KDM6B: variants seen among roughly 807,000 people sequenced by gnomAD.
KDM6B encodes lysine-specific demethylase 6B.
KDM6B carries 22 observed loss-of-function variants against 150.4 expected under a neutral mutation model. That is an observed-to-expected ratio of 0.15 (90% confidence interval 0.10 to 0.21). KDM6B has a LOEUF of 0.21. Ranked by LOEUF, KDM6B falls within the 10% of genes least tolerant of loss-of-function variation. The probability of loss-of-function intolerance (pLI) is 1.00; values close to 1 mark genes in which losing one functional copy is unlikely to be tolerated. For missense variants in KDM6B, 1,984 were observed against 2,234.3 expected (o/e 0.89, Z 2.26); for synonymous variants, 1,148 against 921.1 (o/e 1.25, Z -4.46).
chr17:7,849,186 G>T lies in KDM6B; in HGVS notation c.2898G>T (p.Ala966=). 2 of 1,605,984 alleles carry T rather than the reference G, an allele frequency of 1.2e-6. No homozygotes were observed. The highest frequency in any genetic ancestry group is 1.7e-6 in the Non-Finnish European group (2 of 1,176,606). Residue 966 remains alanine, a synonymous_variant, in exon 12 of 24, where the codon GCG becomes GCT. Transcript: ENST00000448097. ...CCAAGGAGGAGGCTGGCGGGGTGGC[G>T]GCAGTGTCAGGCAGCTGTAAGCGGC... ...AQAKEEAGGV[A]AVSGSCKRRQ... is the part of the protein sequence containing the mutation.
At chr17:7,851,438 C>G in intron 16 of KDM6B, 40 bp from the exon 17 acceptor site, 2 of 1,614,176 alleles carry the variant, frequency 1.2e-6, no homozygotes, top group Non-Finnish European at 1.7e-6. Context: ...TCCTTCCCCT[C>G]CCTCTGCTCT....
chr17:7,846,377 G>GGTCCCCCCCCCCCCC (rs2078537418), intron 7 of KDM6B, 23 bp from the exon 8 acceptor site: 1 of 1,479,504 alleles, frequency 6.8e-7, no homozygotes, highest in Non-Finnish European at 9.1e-7. Context: ...ATCTGCCCCT[G>GGTCCCCCCCCCCCCC]CCCCGTGTCC....
intron 2 of KDM6B, among the ~76,000 whole-genome samples, chr17:7,842,394 G>A (rs1007232832): frequency 3.3e-5 from 5 of 152,206 alleles, no homozygotes; most frequent in Non-Finnish European, 7.4e-5. Flanking sequence ...GGAGAGGCTG[G>A]AATGTCTGCC....
rs1401896928 is a variant in KDM6B at position 7,849,330 on chromosome 17, C to T, written c.3042C>T (p.Ser1014=). 1 of 1,571,926 alleles carries T rather than the reference C, an allele frequency of 6.4e-7. No homozygotes were observed. Residue 1014 remains serine, a synonymous_variant, in exon 12 of 24, where the codon AGC becomes AGT. Transcript: ENST00000448097. ...KAKAKVPKEK[S]RRVLGNLDLQ... is the part of the protein sequence containing the mutation. Reference sequence around the variant, plus strand: ...AGGCCAAGGTCCCCAAAGAAAAGAGCCGCCGGGTGCTGGGGAACCTGGACC... The same window carrying T: ...AGGCCAAGGTCCCCAAAGAAAAGAGTCGCCGGGTGCTGGGGAACCTGGACC...
At chr17:7,837,639 C>G (rs1375242979) in intron 1 of KDM6B, among the ~76,000 whole-genome samples, 1 of 152,194 alleles carries the variant, frequency 6.6e-6, no homozygotes, top group Non-Finnish European at 1.5e-5. Context: ...CAGAACCTCT[C>G]TGAGCCTCGT....
At chr17:7,851,907 G>A (rs1316733168) in intron 18 of KDM6B, 44 bp from the exon 19 acceptor site, 2 of 1,607,616 alleles carry the variant, frequency 1.2e-6, no homozygotes, top group Non-Finnish European at 1.7e-6. Context: ...GGGGATCGCA[G>A]TTCCGACCTG....
chr17:7,854,408 A>G lies in KDM6B; in HGVS notation c.*887A>G, dbSNP rs2078769650. 1.7e-5 allele frequency: 1 copy of G among 59,876 alleles called. No homozygotes were observed. The highest frequency in any genetic ancestry group is 3.7e-5 in the African/African-American group (1 of 26,904). 3.7% of individuals were successfully genotyped at this position (59,876 alleles called of 1,614,324 possible). ...AGTGGGAACTGAAATGGTATTTTGT[A>G]AAAAAAATAAATAAAATAAAAAAAT... On this transcript the variant is annotated 3_prime_UTR_variant, in exon 24 of 24. Transcript: ENST00000448097.
chr17:7,849,153 C>T lies in KDM6B; in HGVS notation c.2865C>T (p.Pro955=), dbSNP rs149972132. The T allele has an allele frequency of 1.5e-4, 243 of 1,611,562 alleles. 1 individual carries two copies. Among genetic ancestry groups the T allele is most frequent in the African/African-American group, 1.0e-3 (76 of 75,034 alleles). ...GTGGGACTGAGCGACTGCTGCCCCC[C>T]GCACAGGCCAAGGAGGAGGCTGGCG... ...ADSGTERLLP[P]AQAKEEAGGV... is the part of the protein sequence containing the mutation. Residue 955 remains proline, a synonymous_variant, in exon 12 of 24, where the codon CCC becomes CCT. Transcript: ENST00000448097.
At position 7,853,630 on chromosome 17, in the gene KDM6B, C is replaced by T; in HGVS notation, c.*109C>T. On this transcript the variant is annotated 3_prime_UTR_variant, in exon 24 of 24. Coordinates refer to ENST00000448097, the MANE Select transcript of KDM6B (RefSeq NM_001348716.2). ...CTGTGGCCGAGAAGGGGGTCGGGCC[C>T]AGCCCTTCCACCCCATTGGCAGCTC... is the stretch of plus-strand genomic sequence containing the variant. 1.3e-6 allele frequency: 1 copy of T among 777,766 alleles called. No individual in the cohort carries two copies. Among genetic ancestry groups the T allele is most frequent in the Non-Finnish European group, 1.8e-6 (1 of 559,210 alleles). 48.2% of individuals were successfully genotyped at this position (777,766 alleles called of 1,614,324 possible). A position where few individuals can be genotyped will look rare whatever the true frequency, so the allele number is the denominator to read the frequency against.
chr17:7,847,025 C>T lies in KDM6B; in HGVS notation c.909+9C>T, dbSNP rs1185570246. On this transcript the variant is annotated intron_variant, in intron 10 of 23. Transcript: ENST00000448097. Reference sequence around the variant, plus strand: ...CACCCCCAGAGCGCCAGGTGAGCCCCTGCCTGTTGCCTTTCACCTCTCACC... The same window carrying T: ...CACCCCCAGAGCGCCAGGTGAGCCCTTGCCTGTTGCCTTTCACCTCTCACC... 1 of 1,613,306 alleles carries T rather than the reference C, an allele frequency of 6.2e-7. No homozygotes were observed. The highest frequency in any genetic ancestry group is 1.1e-5 in the South Asian group (1 of 91,080).
At chr17:7,835,884 G>A (rs937882854) in intron 1 of KDM6B, among the ~76,000 whole-genome samples, 1 of 152,146 alleles carries the variant, frequency 6.6e-6, no homozygotes, top group Non-Finnish European at 1.5e-5. Context: ...CACACGTCTC[G>A]GTCGGTCTGC....
chr17:7,847,843 C>T lies in KDM6B; in HGVS notation c.1555C>T (p.Leu519Phe), dbSNP rs1171966252. Reference protein sequence around the residue: ...EGPPRPAPPPLPHREGFLGPP... With the variant: ...EGPPRPAPPPFPHREGFLGPP... ...ACCCCCCCGCCCTGCCCCACCACCC[C>T]TCCCCCATCGCGAGGGCTTCTTGGG... The change falls in exon 12 of 24, where the codon CTC becomes TTC. Residue 519 changes from leucine (L) to phenylalanine (F), a missense_variant. Transcript: ENST00000448097. The T allele has an allele frequency of 7.7e-6, 12 of 1,559,582 alleles. No individual in the cohort carries two copies. The highest frequency in any genetic ancestry group is 2.7e-5 in the African/African-American group (2 of 72,986).
intron 1 of KDM6B, among the ~76,000 whole-genome samples, chr17:7,838,201 T>G: frequency 6.0e-5 from 1 of 16,544 alleles, no homozygotes; most frequent in Non-Finnish European, 1.2e-4. Context: ...TGTAAAAGGT[T>G]GGGGTGGGTG....
chr17:7,843,360 C>T lies in KDM6B; in HGVS notation c.-268-1541C>T, dbSNP rs1196250324. On this transcript the variant is annotated intron_variant, in intron 2 of 23. Transcript: ENST00000448097. The surrounding 1 kb of genome is among the most constrained non-coding windows in gnomAD (Gnocchi z 4.5). The stretch of plus-strand genomic sequence containing the variant: ...TTGGTTACTGATGGAAAGGATGCTG[C>T]CTCTAGTGAGGAGAGAGTTCTGACA... Among the ~76,000 whole-genome samples the T allele has an allele frequency of 1.3e-5, 2 of 152,164 alleles. No individual in the cohort carries two copies. Among genetic ancestry groups the T allele is most frequent in the African/African-American group, 2.4e-5 (1 of 41,432 alleles).
intron 2 of KDM6B, among the ~76,000 whole-genome samples, chr17:7,840,936 AC>A (rs1343074192): frequency 2.0e-5 from 3 of 152,182 alleles, no homozygotes; most frequent in African/African-American, 7.2e-5. Flanking sequence ...AGGAAGGTTG[AC>A]CCAGGAGATG....
At chr17:7,837,737 C>A (rs1218015080) in intron 1 of KDM6B, among the ~76,000 whole-genome samples, 2 of 152,200 alleles carry the variant, frequency 1.3e-5, no homozygotes, top group Non-Finnish European at 2.9e-5. Flanking sequence ...AATCACTTAG[C>A]ACAGTGCCTG....
In KDM6B at chr17:7,848,976, C is replaced by A; in HGVS notation, c.2688C>A (p.Thr896=). 1 of 1,540,574 alleles carries A rather than the reference C, an allele frequency of 6.5e-7. No homozygotes were observed. Residue 896 remains threonine (T), a synonymous_variant, in exon 12 of 24, where the codon ACC becomes ACA. Transcript: ENST00000448097. Reference sequence around the variant, plus strand: ...CAGTCCCGGGCCCCATGACCCCCACCCAACCGCCCCCACCCCTATCTCTGC... The same window carrying A: ...CAGTCCCGGGCCCCATGACCCCCACACAACCGCCCCCACCCCTATCTCTGC... ...EEPVPGPMTP[T]QPPPPLSLPP...
Position 7,847,997 on chromosome 17 carries a change from C to T in KDM6B, c.1709C>T (p.Ser570Phe), listed in dbSNP as rs753656326. ...AGCAGCAGCCCTGCTGGGCCTGTGTCCTTTCCCCCACCACCCTATCTGGCC... is the reference window on the plus strand; with the variant it reads ...AGCAGCAGCCCTGCTGGGCCTGTGTTCTTTCCCCCACCACCCTATCTGGCC... ...SHSSSPAGPV[S>F]FPPPPYLARS... Residue 570 changes from serine to phenylalanine, a missense_variant, in exon 12 of 24, where the codon TCC (serine) becomes TTC (phenylalanine). Transcript: ENST00000448097. 14 of 1,612,504 alleles carry T rather than the reference C, an allele frequency of 8.7e-6. No individual in the cohort carries two copies. Among genetic ancestry groups the T allele is most frequent in the Non-Finnish European group, 1.2e-5 (14 of 1,179,640 alleles).
Position 7,841,360 on chromosome 17 carries a change from ACGTCAGGAT to A in KDM6B, c.-269+1339_-269+1347del, listed in dbSNP as rs779104916. ...ACAGAATGATCACTGATCCAGCGAG[ACGTCAGGAT>A]CGAGAGGAGTGTAGCAAGGAGTCAG... On this transcript the variant is annotated intron_variant, in intron 2 of 23. Coordinates refer to ENST00000448097, the MANE Select transcript of KDM6B (RefSeq NM_001348716.2). Among the ~76,000 whole-genome samples, 69 of 152,200 alleles carry A rather than the reference ACGTCAGGAT, an allele frequency of 4.5e-4. 1 individual carries two copies. Among genetic ancestry groups the A allele is most frequent in the Non-Finnish European group, 3.1e-4 (21 of 68,034 alleles).
Sources: allele counts gnomAD v4.1 joint callset (sites outside exome capture counted in the v4.1 genomes callset), GRCh38; gene constraint gnomAD v4.1.1; non-coding constraint Gnocchi (gnomAD v3.1); transcripts MANE v1.5; gene names NCBI Gene and HGNC (gene_info 2026-07-23, HGNC 2026-07-21).